The following ZNF627 variants were observed in gnomAD, a reference collection of about 807,000 sequenced individuals.
ZNF627 encodes zinc finger protein 627.
In ZNF627, 12 loss-of-function variants were observed where a neutral mutation model predicts 10.6. That is an observed-to-expected ratio of 1.13 (90% confidence interval 0.73 to 1.84). The LOEUF (loss-of-function observed/expected upper bound fraction) is 1.84, where lower values mean the gene tolerates loss of function less well. ZNF627 is among the 40% of genes most tolerant of loss of function. The pLI is 0.00. For missense variants in ZNF627, 504 were observed against 568.4 expected, an observed-to-expected ratio of 0.89 and a Z score of 1.15; for synonymous variants, 176 against 187.1, an observed-to-expected ratio of 0.94 and a Z score of 0.48.
At chr19:11,600,718 A>G (rs1456687222) in intron 1 of ZNF627, among the ~76,000 whole-genome samples, 1 of 152,338 alleles carries the variant, frequency 6.6e-6, no homozygotes, top group East Asian at 1.9e-4. Context: ...AACTTGTGAC[A>G]GTGGATAACT....
Position 11,617,421 on chromosome 19 carries a change from T to G in ZNF627, c.918T>G (p.Leu306=). 1 of 1,613,760 alleles carries G rather than the reference T, an allele frequency of 6.2e-7. No individual in the cohort carries two copies. Among genetic ancestry groups the G allele is most frequent in the Non-Finnish European group, 8.5e-7 (1 of 1,179,950 alleles). ...SHERTHTGEK[L]FECKECGKAL... ...AGAGGACTCACACCGGAGAGAAACT[T>G]TTTGAATGTAAGGAATGCGGGAAGG... is the stretch of plus-strand genomic sequence containing the variant. The change falls in exon 4 of 4, where the codon CTT becomes CTG. Residue 306 remains leucine (L), a synonymous_variant. Coordinates refer to ENST00000361113, the MANE Select transcript of ZNF627 (RefSeq NM_145295.4).
At chr19:11,616,570 G>A (rs1441671314) in intron 3 of ZNF627, 125 bp from the exon 4 acceptor site, 38 of 676,654 alleles carry the variant, frequency 5.6e-5, no homozygotes, top group Admixed American at 6.9e-5. Context: ...TTCACGCCTG[G>A]GCAACATAGT....
rs376134979 is a variant in ZNF627, at chr19:11,617,491, A to G, written c.988A>G (p.Thr330Ala). 3.2e-5 allele frequency: 51 copies of G among 1,613,606 alleles called. No individual in the cohort carries two copies. The highest frequency in any genetic ancestry group is 3.9e-5 in the Non-Finnish European group (46 of 1,180,002). ...TGTTAGAAGACACATGATAAAGCAC[A>G]CTGGCAATGGACCTTATAAATGTAA... ...ASVRRHMIKH[T>A]GNGPYKCKVC... The change falls in exon 4 of 4, where the codon ACT (threonine) becomes GCT (alanine). Residue 330 changes from threonine (T) to alanine (A), a missense_variant. Coordinates refer to ENST00000361113, the MANE Select transcript of ZNF627 (RefSeq NM_145295.4).
intron 1 of ZNF627, among the ~76,000 whole-genome samples, chr19:11,601,377 T>C (rs1038271831): frequency 3.3e-5 from 5 of 152,172 alleles, no homozygotes; most frequent in Admixed American, 1.3e-4. Flanking sequence ...TCTCACTCTG[T>C]CTCCTAGGCT....
intron 1 of ZNF627, among the ~76,000 whole-genome samples, chr19:11,598,998 A>AT (rs1973540106): frequency 6.6e-6 from 1 of 152,224 alleles, no homozygotes; most frequent in Non-Finnish European, 1.5e-5. Flanking sequence ...CCTGAGCAAC[A>AT]TAGTGAGACC....
At chr19:11,612,561 ACAC>A (rs1973791199) in intron 1 of ZNF627, among the ~76,000 whole-genome samples, 1 of 148,324 alleles carries the variant, frequency 6.7e-6, no homozygotes, top group Non-Finnish European at 1.5e-5. Flanking sequence ...TTCTGGGACT[ACAC>A]CAGCCCACCA....
chr19:11,615,747 A>G (rs1253840467), intron 3 of ZNF627, among the ~76,000 whole-genome samples: 6 of 121,510 alleles, frequency 4.9e-5, no homozygotes, highest in Admixed American at 3.9e-4. Flanking sequence ...AGGGAATTTC[A>G]CAACTCGTTG....
At chr19:11,599,796 A>C (rs771443937) in intron 1 of ZNF627, among the ~76,000 whole-genome samples, 1 of 152,084 alleles carries the variant, frequency 6.6e-6, no homozygotes, top group Non-Finnish European at 1.5e-5. Context: ...AATCTCAGCT[A>C]CTGGGGAGGC....
At chr19:11,603,666 T>C (rs1359243862) in intron 1 of ZNF627, among the ~76,000 whole-genome samples, 2 of 152,094 alleles carry the variant, frequency 1.3e-5, no homozygotes, top group African/African-American at 2.4e-5. Context: ...CACATAGCTG[T>C]GAATCTTCCA....
At chr19:11,611,089 G>A (rs991596642) in intron 1 of ZNF627, among the ~76,000 whole-genome samples, 1 of 152,160 alleles carries the variant, frequency 6.6e-6, no homozygotes, top group Non-Finnish European at 1.5e-5. Flanking sequence ...CTGACCTCAA[G>A]TGATCTGTCC....
At chr19:11,601,283 C>G (rs1486049896) in intron 1 of ZNF627, among the ~76,000 whole-genome samples, 1 of 152,066 alleles carries the variant, frequency 6.6e-6, no homozygotes, top group Admixed American at 6.6e-5. Context: ...TGTTTGTAGA[C>G]GTTTCTAATG....
rs758769546 is a variant in ZNF627, at chr19:11,617,877, A to G, written c.1374A>G (p.Pro458=). 5.2e-6 allele frequency: 8 copies of G among 1,537,190 alleles called. No individual in the cohort carries two copies. The African/African-American group carries it at 9.7e-5, about 19-fold the overall frequency. ...CTAACCCTAACGCTTCAGTTGTCCC[A>G]GTTCTTTCATGAGCATGAAAGGAGT... ...ENPNPNASVV[P]VLS is the part of the protein sequence containing the mutation. The change falls in exon 4 of 4, where the codon CCA becomes CCG. Residue 458 remains proline, a synonymous_variant. Transcript: ENST00000361113.
chr19:11,609,471 TTATATA>T (rs1168205815), intron 1 of ZNF627, among the ~76,000 whole-genome samples: 1,237 of 53,330 alleles, frequency 0.023, 20 homozygotes, highest in Non-Finnish European at 0.043. Context: ...TTAAAAAATT[TTATATA>T]TATATATATA....
At chr19:11,614,927 G>T in intron 3 of ZNF627, 40 bp downstream of exon 3, 1 of 1,428,084 alleles carries the variant, frequency 7.0e-7, no homozygotes, top group East Asian at 2.3e-5. Context: ...TTCCTTGAGA[G>T]CATTTCGTAT....
At chr19:11,599,007 C>A (rs1973540203) in intron 1 of ZNF627, among the ~76,000 whole-genome samples, 1 of 152,118 alleles carries the variant, frequency 6.6e-6, no homozygotes, top group Non-Finnish European at 1.5e-5. Flanking sequence ...CATAGTGAGA[C>A]CCGGACCCTA....
chr19:11,605,888 A>G (rs1416464182), intron 1 of ZNF627, among the ~76,000 whole-genome samples: 1 of 152,214 alleles, frequency 6.6e-6, no homozygotes, highest in African/African-American at 2.4e-5. Flanking sequence ...CCTTCTGCCT[A>G]TGAGCCTGTA....
intron 1 of ZNF627, among the ~76,000 whole-genome samples, chr19:11,600,944 A>AAATC (rs1973574479): frequency 6.6e-6 from 1 of 152,226 alleles, no homozygotes; most frequent in Non-Finnish European, 1.5e-5. Context: ...CCTTGCTATA[A>AAATC]ACAGTGAATT....
intron 1 of ZNF627, among the ~76,000 whole-genome samples, chr19:11,606,279 G>A (rs1455844399): frequency 6.6e-6 from 1 of 151,958 alleles, no homozygotes; most frequent in Non-Finnish European, 1.5e-5. Flanking sequence ...GGAGGTTCCA[G>A]TGAGCCGAGA....
intron 1 of ZNF627, among the ~76,000 whole-genome samples, chr19:11,612,446 C>CAG (rs1190711685): frequency 6.5e-5 from 4 of 61,148 alleles, no homozygotes; most frequent in Non-Finnish European, 1.2e-4. Context: ...TTTTTTGAGA[C>CAG]AGAGTCTCAC....
Sources: gnomAD v4.1 joint callset for allele counts (sites outside exome capture counted in the v4.1 genomes callset) on GRCh38, gnomAD v4.1.1 for gene constraint, MANE v1.5 for transcripts, NCBI Gene and HGNC (gene_info 2026-07-23, HGNC 2026-07-21) for gene names.